FSTL5: variants seen among roughly 807,000 people sequenced by gnomAD.
The protein encoded by FSTL5 is follistatin like 5.
A neutral mutation model predicts 89.1 loss-of-function variants in FSTL5; 62 were observed. The observed-to-expected ratio is 0.70, with a 90% CI of 0.57 to 0.86. FSTL5 has a LOEUF of 0.86. FSTL5 is among the 40% of genes least tolerant of loss of function. The pLI is 0.00. For synonymous variants in FSTL5, 383 were observed against 346.2 expected (o/e 1.11, Z -1.18); for missense variants, 1,057 against 1,001.6 (o/e 1.06, Z -0.75).
chr4:161,640,249 T>A (rs376169226), intron 7 of FSTL5, among the ~76,000 whole-genome samples: 1 of 152,302 alleles, frequency 6.6e-6, no homozygotes, highest in East Asian at 1.9e-4. Context: ...TGTCTAGTTT[T>A]CTTTAAAAAT....
intron 2 of FSTL5, among the ~76,000 whole-genome samples, chr4:162,046,986 A>G (rs2111244642): frequency 6.6e-6 from 1 of 152,276 alleles, no homozygotes; most frequent in African/African-American, 2.4e-5. Context: ...TAAATTTTAG[A>G]CAGACAACAA....
intron 15 of FSTL5, among the ~76,000 whole-genome samples, chr4:161,437,420 C>T (rs754568686): frequency 5.3e-5 from 8 of 151,418 alleles, no homozygotes; most frequent in Non-Finnish European, 8.9e-5. Flanking sequence ...ACAAAAAATT[C>T]GCCGGGCGTG....
chr4:161,562,818 A>G (rs557510201), intron 8 of FSTL5, among the ~76,000 whole-genome samples: 2 of 152,054 alleles, frequency 1.3e-5, no homozygotes, highest in African/African-American at 4.8e-5. Flanking sequence ...TTGAAATTCC[A>G]TAACTACTAC....
chr4:161,884,184 G>A (rs1366167525), intron 4 of FSTL5, among the ~76,000 whole-genome samples: 1 of 151,736 alleles, frequency 6.6e-6, no homozygotes, highest in African/African-American at 2.4e-5. Context: ...TGAGTAGCTG[G>A]GACTATAGGG....
At chr4:161,552,839 T>C (rs1732262453) in intron 8 of FSTL5, among the ~76,000 whole-genome samples, 1 of 151,680 alleles carries the variant, frequency 6.6e-6, no homozygotes, top group Non-Finnish European at 1.5e-5. Flanking sequence ...CCAGGATACA[T>C]ATTATGAAAT....
intron 4 of FSTL5, among the ~76,000 whole-genome samples, chr4:161,844,837 C>G (rs1180895692): frequency 6.6e-6 from 1 of 152,002 alleles, no homozygotes; most frequent in African/African-American, 2.4e-5. Context: ...ATGTAGATGA[C>G]AGGTTCTTGG....
chr4:161,530,879 A>T (rs1280535307), intron 10 of FSTL5, among the ~76,000 whole-genome samples: 3 of 152,114 alleles, frequency 2.0e-5, no homozygotes, highest in African/African-American at 7.2e-5. Flanking sequence ...CTGGGAATTG[A>T]CTTCCCTTGG....
chr4:161,499,832 CATAAT>C (rs146888837), intron 12 of FSTL5, among the ~76,000 whole-genome samples, 179 bp downstream of exon 12: 44,645 of 151,610 alleles, frequency 0.29, 7,520 homozygotes, highest in Non-Finnish European at 0.4. Context: ...CTTAGGAATA[CATAAT>C]ATATTATTTT....
intron 15 of FSTL5, among the ~76,000 whole-genome samples, chr4:161,453,230 T>C (rs568064346): frequency 7.3e-4 from 111 of 152,300 alleles, no homozygotes; most frequent in Middle Eastern, 6.8e-3. Flanking sequence ...TAATAGTACA[T>C]TTTTAAAAAA....
At chr4:161,627,622 T>G (rs1022436162) in intron 7 of FSTL5, among the ~76,000 whole-genome samples, 2 of 152,172 alleles carry the variant, frequency 1.3e-5, no homozygotes, top group Admixed American at 6.5e-5. Context: ...CTCAAAAATC[T>G]TAATGGTTTA....
Position 161,429,495 on chromosome 4 carries a change from A to T in FSTL5, c.1841+25509T>A, listed in dbSNP as rs569940637. On this transcript the variant is annotated intron_variant, in intron 15 of 15. Coordinates refer to ENST00000306100, the MANE Select transcript of FSTL5 (RefSeq NM_020116.5). ...GGGGTGTTTGTATCACCCCTCCGCC[A>T]GCTCCATTGAGTTCAGCACAGAAAG... Among the ~76,000 whole-genome samples the T allele has an allele frequency of 6.6e-5, 10 of 152,282 alleles. No individual in the cohort carries two copies. The South Asian group carries it at 1.2e-3, about 19-fold the overall frequency.
intron 3 of FSTL5, among the ~76,000 whole-genome samples, chr4:161,941,684 G>A (rs74506954): frequency 6.6e-6 from 1 of 151,868 alleles, no homozygotes; most frequent in African/African-American, 2.4e-5. Flanking sequence ...GAAATTTGCA[G>A]TTCTAGTTGC....
chr4:161,873,285 T>C (rs1269644236), intron 4 of FSTL5, among the ~76,000 whole-genome samples: 1 of 146,928 alleles, frequency 6.8e-6, no homozygotes, highest in Non-Finnish European at 1.5e-5. Flanking sequence ...TAAATGTCTG[T>C]AAGCAGATTT....
intron 12 of FSTL5, among the ~76,000 whole-genome samples, chr4:161,493,086 G>A (rs1729938927): frequency 6.6e-6 from 1 of 151,710 alleles, no homozygotes; most frequent in Admixed American, 6.6e-5. Context: ...AATATCAAAA[G>A]TAAACAATGA....
Position 161,483,132 on chromosome 4 carries a change from C to T in FSTL5, c.1459-1963G>A, listed in dbSNP as rs562424491. On this transcript the variant is annotated intron_variant, in intron 12 of 15. Transcript: ENST00000306100. The stretch of plus-strand genomic sequence containing the variant: ...ACTACATGCTTAGAATGCAGTATTA[C>T]ACTTTCATTCACCAATTCCTACTGA... 2.0e-5 allele frequency among the ~76,000 whole-genome samples: 3 copies of T among 152,262 alleles called. No individual in the cohort carries two copies. The South Asian group carries it at 6.2e-4, about 32-fold the overall frequency.
At chr4:161,589,017 A>G (rs1733718670) in intron 7 of FSTL5, among the ~76,000 whole-genome samples, 3 of 102,374 alleles carry the variant, frequency 2.9e-5, no homozygotes, top group South Asian at 3.2e-4. Context: ...TTTTTTTTTG[A>G]GGCAGGGTTC....
At chr4:162,048,069 G>C (rs907589510) in intron 2 of FSTL5, among the ~76,000 whole-genome samples, 11 of 152,070 alleles carry the variant, frequency 7.2e-5, no homozygotes, top group African/African-American at 2.4e-5. Context: ...GGTCACGCCT[G>C]TAATCCCAGC....
intron 7 of FSTL5, among the ~76,000 whole-genome samples, chr4:161,591,562 T>C (rs534050071): frequency 6.6e-6 from 1 of 152,308 alleles, no homozygotes; most frequent in South Asian, 2.1e-4. Context: ...TATATATTCT[T>C]AGTTAATGAA....
At chr4:162,111,517 C>G (rs1320135462) in intron 1 of FSTL5, 105 bp from the exon 2 acceptor site, 10 of 865,720 alleles carry the variant, frequency 1.2e-5, no homozygotes, top group Non-Finnish European at 1.7e-5. Flanking sequence ...TTAATCTAAT[C>G]AAAACTTGCT....
Sources: allele counts gnomAD v4.1 joint callset (sites outside exome capture counted in the v4.1 genomes callset), GRCh38; gene constraint gnomAD v4.1.1; transcripts MANE v1.5; gene names NCBI Gene and HGNC (gene_info 2026-07-23, HGNC 2026-07-21).